Variants in FAT1 observed in about 807,000 individuals in gnomAD.
The protein encoded by FAT1 is FAT atypical cadherin 1.
Under a neutral mutation model 329.8 loss-of-function variants are expected in FAT1, and 171 were observed. The ratio of observed to expected loss-of-function variants is 0.52; its 90% CI spans 0.46 to 0.59. The LOEUF is 0.59. FAT1 is among the 20% of genes least tolerant of loss of function. The pLI, the probability that FAT1 is intolerant of heterozygous loss-of-function variation, is 0.00. For missense variants in FAT1, 5,672 were observed against 5,774.4 expected, an observed-to-expected ratio of 0.98 and a Z score of 0.57; for synonymous variants, 2,233 against 2,228.6, an observed-to-expected ratio of 1.00 and a Z score of -0.06.
chr4:186,686,550 AT>A (rs1743480948), intron 2 of FAT1, among the ~76,000 whole-genome samples: 1 of 152,212 alleles, frequency 6.6e-6, no homozygotes, highest in South Asian at 2.1e-4. Context: ...ATATTTAATT[AT>A]TGAATCTATT....
Position 186,618,556 on chromosome 4 carries a change from T to C in FAT1, c.8030A>G (p.Asp2677Gly), listed in dbSNP as rs1312452077. ...EFFTFFVRAV[D>G]NGSPSKESVV... ...AGATTCTTTTGATGGAGACCCATTATCCACAGCTCTAACAAAGAAAGTGAA... is the reference window on the plus strand; with the variant it reads ...AGATTCTTTTGATGGAGACCCATTACCCACAGCTCTAACAAAGAAAGTGAA... Residue 2677 changes from aspartate (D) to glycine (G), a missense_variant, in exon 10 of 27, where the codon GAT becomes GGT. Asp to Gly is a moderately conservative substitution (Grantham distance 94). This residue lies in a region of FAT1 where 3,966 missense variants were observed against 3,915.2 expected (regional missense o/e 1.01). Coordinates refer to ENST00000441802, the MANE Select transcript of FAT1 (RefSeq NM_005245.4). The C allele has an allele frequency of 6.2e-7, 1 of 1,614,054 alleles. No individual in the cohort carries two copies. Among genetic ancestry groups the C allele is most frequent in the Non-Finnish European group, 8.5e-7 (1 of 1,179,898 alleles).
At chr4:186,703,724 G>T (rs551114063) in intron 2 of FAT1, among the ~76,000 whole-genome samples, 1 of 152,374 alleles carries the variant, frequency 6.6e-6, no homozygotes, top group Admixed American at 6.5e-5. Context: ...CCTGGCCTGG[G>T]CCGGGTGCAC....
In FAT1 at chr4:186,596,877, C is replaced by T. The variant is rs770402320; in HGVS notation, c.12663G>A (p.Leu4221=). The change falls in exon 25 of 27, where the codon CTG becomes CTA. Residue 4221 remains leucine, a synonymous_variant. Transcript: ENST00000441802. The surrounding 1 kb of genome is among the most constrained non-coding windows in gnomAD (Gnocchi z 4.7). The part of the protein sequence containing the change: ...KHQAEPKDKH[L]GPATAFLQRP... ...TTTGCAAGAAAGCCGTAGCGGGTCC[C>T]AGGTGCTTGTCTTTAGGTTCAGCCT... 1 of 1,614,020 alleles carries T rather than the reference C, an allele frequency of 6.2e-7. No individual in the cohort carries two copies. Among genetic ancestry groups the T allele is most frequent in the South Asian group, 1.1e-5 (1 of 91,078 alleles).
intron 1 of FAT1, 133 bp from the exon 2 acceptor site, chr4:186,709,978 T>G (rs1280929407): frequency 5.1e-6 from 4 of 785,012 alleles, no homozygotes; most frequent in Non-Finnish European, 7.7e-6. Flanking sequence ...CGGTTTGGGA[T>G]GTTTTTCATG....
At chr4:186,609,357 A>G in intron 15 of FAT1, 37 bp from the exon 16 acceptor site, 2 of 1,601,880 alleles carry the variant, frequency 1.2e-6, no homozygotes, top group Non-Finnish European at 1.7e-6. Flanking sequence ...GAGACAGCTA[A>G]GAAGAGGCCT....
In FAT1 at chr4:186,600,141, C is replaced by A. The variant is rs757960773; in HGVS notation, c.11860G>T (p.Gly3954Cys). ...CTTGTTCCCTGCTGACGGATGTGGC[C>A]ACCAAAAAACACATAGTTATCCAGG... is the stretch of plus-strand genomic sequence containing the variant. Reference protein sequence around the residue: ...LNLDNYVFFGGHIRQQGTRHG... With the variant: ...LNLDNYVFFGCHIRQQGTRHG... The change falls in exon 22 of 27, where the codon GGC (glycine) becomes TGC (cysteine). Residue 3954 changes from glycine to cysteine, a missense_variant. Gly to Cys is a radical substitution (Grantham distance 159). Transcript: ENST00000441802. 1.2e-6 allele frequency: 2 copies of A among 1,614,008 alleles called. No individual in the cohort carries two copies. The highest frequency in any genetic ancestry group is 1.7e-6 in the Non-Finnish European group (2 of 1,179,892).
chr4:186,614,144 A>G (rs1360115318), intron 12 of FAT1, 47 bp downstream of exon 12: 1 of 1,510,280 alleles, frequency 6.6e-7, no homozygotes, highest in African/African-American at 1.4e-5. Context: ...CACATATATG[A>G]TACTGTTGGA....
chr4:186,632,876 A>G (rs908596971), intron 7 of FAT1, among the ~76,000 whole-genome samples: 2 of 152,206 alleles, frequency 1.3e-5, no homozygotes, highest in African/African-American at 2.4e-5. Context: ...TTTAGGCCAC[A>G]GTAGATTATA....
At chr4:186,636,363 T>TA in intron 5 of FAT1, 128 bp from the exon 6 acceptor site, 1 of 900,648 alleles carries the variant, frequency 1.1e-6, no homozygotes, top group Non-Finnish European at 1.7e-6. Context: ...GTATTCTGTG[T>TA]ATGGAATGCC....
chr4:186,649,794 TA>T (rs67578816), intron 3 of FAT1, among the ~76,000 whole-genome samples: 2 of 152,178 alleles, frequency 1.3e-5, no homozygotes, highest in East Asian at 3.8e-4. Flanking sequence ...AAACCTTTTT[TA>T]AAAAAATTAA....
chr4:186,632,842 G>A (rs1740656787), intron 7 of FAT1, among the ~76,000 whole-genome samples: 1 of 152,178 alleles, frequency 6.6e-6, no homozygotes, highest in Non-Finnish European at 1.5e-5. Context: ...CTTGTTCTCT[G>A]ACATTTAACT....
intron 15 of FAT1, 23 bp downstream of exon 15, chr4:186,609,778 T>C (rs2126458606): frequency 4.5e-6 from 7 of 1,540,582 alleles, no homozygotes; most frequent in Non-Finnish European, 6.3e-6. Context: ...CAGTTTTCAC[T>C]GTAATGGGGA....
rs776971089 is a variant in FAT1 at position 186,603,170 on chromosome 4, C to T, written c.11350+6G>A. 3.1e-6 allele frequency: 5 copies of T among 1,613,474 alleles called. No homozygotes were observed. ...ACACCGACTTTCATACACTCATGTG[C>T]AGTACCTTTGCAGAGACACACCGCT... On this transcript the variant is annotated splice_donor_region_variant and intron_variant, in intron 19 of 26. Coordinates refer to ENST00000441802, the MANE Select transcript of FAT1 (RefSeq NM_005245.4).
chr4:186,609,928 G>A lies in FAT1; in HGVS notation c.9941C>T (p.Ser3314Leu), dbSNP rs1354326146. 6.2e-7 allele frequency: 1 copy of A among 1,613,344 alleles called. No individual in the cohort carries two copies. The highest frequency in any genetic ancestry group is 2.2e-5 in the East Asian group (1 of 44,876). Residue 3314 changes from serine (S) to leucine (L), a missense_variant, in exon 15 of 27, where the codon TCA becomes TTA. This residue lies in a region of FAT1 where 1,706 missense variants were observed against 1,859.1 expected (regional missense o/e 0.92). Transcript: ENST00000441802. ...GTTCACAGTGGCAACGTCGCTCAGT[G>A]AAGGCGTGCCTCCATCAGTGGCCTC... ...TVEATDGGTPSLSDVATVNVN... is the reference protein window; with the variant it reads ...TVEATDGGTPLLSDVATVNVN...
At chr4:186,711,157 C>T (rs915286639) in intron 1 of FAT1, among the ~76,000 whole-genome samples, 8 of 152,144 alleles carry the variant, frequency 5.3e-5, no homozygotes, top group Non-Finnish European at 8.8e-5. Context: ...GGTACGACAA[C>T]ATTAATTTAT....
chr4:186,689,333 A>G (rs887244700), intron 2 of FAT1, among the ~76,000 whole-genome samples: 1 of 152,242 alleles, frequency 6.6e-6, no homozygotes, highest in Non-Finnish European at 1.5e-5. Flanking sequence ...TCAATAACAA[A>G]TGTTTATCCT....
chr4:186,708,059 G>A lies in FAT1; in HGVS notation c.1769C>T (p.Thr590Ile), dbSNP rs564934762. ...RDLGVGEQIT[T>I]VSAIDADELQ... ...TTCATCTGCATCAATAGCAGAAACA[G>A]TGGTTATTTGCTCTCCCACGCCTAG... Residue 590 changes from threonine to isoleucine, a missense_variant, in exon 2 of 27, where the codon ACT becomes ATT. Coordinates refer to ENST00000441802, the MANE Select transcript of FAT1 (RefSeq NM_005245.4). 3.1e-5 allele frequency: 50 copies of A among 1,613,988 alleles called. 2 individuals are homozygous for A. In the South Asian group the frequency reaches 5.2e-4, roughly 17 times the overall value.
At chr4:186,633,930 G>A in intron 6 of FAT1, 107 bp from the exon 7 acceptor site, 3 of 1,194,154 alleles carry the variant, frequency 2.5e-6, no homozygotes, top group Admixed American at 2.2e-5. Context: ...TAATATACTA[G>A]CAAAGAGCTT....
At position 186,621,547 on chromosome 4, in the gene FAT1, A is replaced by G; in HGVS notation, c.5039T>C (p.Val1680Ala). 1 of 1,614,010 alleles carries G rather than the reference A, an allele frequency of 6.2e-7. No homozygotes were observed. The highest frequency in any genetic ancestry group is 8.5e-7 in the Non-Finnish European group (1 of 1,179,866). The change falls in exon 10 of 27, where the codon GTC becomes GCC. Residue 1680 changes from valine (V) to alanine (A), a missense_variant. Around this residue, in one of 2 missense-constraint regions of FAT1, gnomAD observed 3,966 missense variants for 3,915.2 expected, o/e 1.01. Coordinates refer to ENST00000441802, the MANE Select transcript of FAT1 (RefSeq NM_005245.4). ...KEYSVELSET[V>A]SIGSFVGMVT... Reference sequence around the variant, plus strand: ...CATCCCAACGAAACTCCCAATGCTGACAGTTTCACTAAGTTCAACAGAATA... The same window carrying G: ...CATCCCAACGAAACTCCCAATGCTGGCAGTTTCACTAAGTTCAACAGAATA...
Sources: gnomAD v4.1 joint callset for allele counts (sites outside exome capture counted in the v4.1 genomes callset) on GRCh38, gnomAD v4.1.1 for gene constraint, gnomAD v4.1.1 regional missense constraint, Gnocchi (gnomAD v3.1) non-coding constraint, MANE v1.5 for transcripts, NCBI Gene and HGNC (gene_info 2026-07-23, HGNC 2026-07-21) for gene names.